Variants in MAF observed in about 807,000 individuals in gnomAD.
MAF encodes MAF bZIP transcription factor.
MAF carries 10 observed loss-of-function variants against 22.0 expected under a neutral mutation model. That is an observed-to-expected ratio of 0.45 (90% CI 0.28 to 0.77). The LOEUF is 0.77. MAF is among the 30% of genes least tolerant of loss of function. MAF has a pLI of 0.12. For synonymous variants in MAF, 337 were observed against 255.8 expected, an observed-to-expected ratio of 1.32 and a Z score of -3.03; for missense variants, 544 against 548.4, an observed-to-expected ratio of 0.99 and a Z score of 0.08.
chr16:79,259,792 A>G, the MAF span, among the ~76,000 whole-genome samples: 1 of 152,196 alleles, frequency 6.6e-6, no homozygotes, highest in Non-Finnish European at 1.5e-5. Context: ...AGAGGCTGAG[A>G]AGGGCAACAG....
chr16:79,471,638 T>C, the MAF span, among the ~76,000 whole-genome samples: 8 of 152,096 alleles, frequency 5.3e-5, no homozygotes, highest in African/African-American at 1.2e-4. Context: ...GATCATGCCA[T>C]TGCACTCCAG....
chr16:79,235,927 G>A, the MAF span, among the ~76,000 whole-genome samples: 6 of 151,944 alleles, frequency 3.9e-5, no homozygotes, highest in Non-Finnish European at 5.9e-5. Flanking sequence ...AAGCCAAGCC[G>A]CCCAGAATCC....
At chr16:79,473,523 C>A in the MAF span, among the ~76,000 whole-genome samples, 3 of 152,134 alleles carry the variant, frequency 2.0e-5, no homozygotes, top group Non-Finnish European at 4.4e-5. Context: ...CTTTGCCAAA[C>A]AATGTCAGAT....
chr16:79,465,076 C>A, the MAF span, among the ~76,000 whole-genome samples: 1 of 152,124 alleles, frequency 6.6e-6, no homozygotes, highest in Non-Finnish European at 1.5e-5. Context: ...GGGAGAAGGT[C>A]CTGAGCAACC....
chr16:79,456,800 TC>T, the MAF span, among the ~76,000 whole-genome samples: 1 of 152,164 alleles, frequency 6.6e-6, no homozygotes, highest in Non-Finnish European at 1.5e-5. Context: ...AGTCTCCTCT[TC>T]TTTTTGGGAC....
the MAF span, among the ~76,000 whole-genome samples, chr16:79,551,375 G>C: frequency 6.6e-6 from 1 of 152,126 alleles, no homozygotes; most frequent in Non-Finnish European, 1.5e-5. Context: ...TTTCCTTCTT[G>C]AATTGTTTTC....
chr16:79,348,779 A>ATGTCATATTC, the MAF span, among the ~76,000 whole-genome samples: 1 of 152,190 alleles, frequency 6.6e-6, no homozygotes, highest in Non-Finnish European at 1.5e-5. Flanking sequence ...AGTGATTCTT[A>ATGTCATATTC]TGTCATATTC....
the MAF span, among the ~76,000 whole-genome samples, chr16:79,564,454 T>G: frequency 6.6e-6 from 1 of 152,200 alleles, no homozygotes; most frequent in East Asian, 1.9e-4. Context: ...AGCTATGAAC[T>G]GGGCACACTG....
At chr16:79,493,188 T>C in the MAF span, among the ~76,000 whole-genome samples, 1 of 151,868 alleles carries the variant, frequency 6.6e-6, no homozygotes, top group Non-Finnish European at 1.5e-5. Context: ...TGTTTTTTTG[T>C]TTTTGTTTTT....
chr16:79,438,563 A>G, the MAF span, among the ~76,000 whole-genome samples: 1 of 152,084 alleles, frequency 6.6e-6, no homozygotes, highest in Non-Finnish European at 1.5e-5. Context: ...TCCTCACTTT[A>G]TCTTCCCGGG....
At chr16:79,303,161 G>A in the MAF span, among the ~76,000 whole-genome samples, 1 of 152,208 alleles carries the variant, frequency 6.6e-6, no homozygotes, top group Non-Finnish European at 1.5e-5. Context: ...CACTGTGGAG[G>A]AAGGCTGATG....
the MAF span, among the ~76,000 whole-genome samples, chr16:79,225,854 G>A: frequency 1.3e-5 from 2 of 152,196 alleles, no homozygotes; most frequent in East Asian, 1.9e-4. Flanking sequence ...AGTTAGAATG[G>A]TGATCATTAA....
At chr16:79,470,399 T>C in the MAF span, among the ~76,000 whole-genome samples, 1 of 152,212 alleles carries the variant, frequency 6.6e-6, no homozygotes, top group East Asian at 1.9e-4. Flanking sequence ...GGGACCAGGA[T>C]GGCAACTAGG....
At chr16:79,489,671 C>T in the MAF span, among the ~76,000 whole-genome samples, 6 of 152,158 alleles carry the variant, frequency 3.9e-5, no homozygotes, top group Non-Finnish European at 8.8e-5. Context: ...AGAGATGGCC[C>T]GAGAAGCTGA....
the MAF span, among the ~76,000 whole-genome samples, chr16:79,472,972 C>A: frequency 6.6e-6 from 1 of 152,050 alleles, no homozygotes; most frequent in African/African-American, 2.4e-5. Context: ...GAACACAACA[C>A]AATTCTGTCC....
the MAF span, among the ~76,000 whole-genome samples, chr16:79,362,425 T>C: frequency 6.6e-6 from 1 of 152,180 alleles, no homozygotes; most frequent in South Asian, 2.1e-4. Flanking sequence ...TGAATTTTGT[T>C]GTTGCTGAGA....
chr16:79,214,085 C>G, the MAF span, among the ~76,000 whole-genome samples: 3 of 152,164 alleles, frequency 2.0e-5, no homozygotes, highest in Non-Finnish European at 4.4e-5. Flanking sequence ...GCATGCCTTT[C>G]TTCCTCACTG....
chr16:79,217,109 GT>G, the MAF span, among the ~76,000 whole-genome samples: 4 of 152,164 alleles, frequency 2.6e-5, no homozygotes, highest in African/African-American at 9.7e-5. Context: ...CGCACCCGGT[GT>G]CATCTGCTAC....
At chr16:79,212,404 T>A in the MAF span, 1 of 424,270 alleles carries the variant, frequency 2.4e-6, no homozygotes, top group Non-Finnish European at 4.2e-6. Flanking sequence ...GTACTTGTCA[T>A]AGACTCCTTT....
Sources: allele counts gnomAD v4.1 joint callset (sites outside exome capture counted in the v4.1 genomes callset), GRCh38; gene constraint gnomAD v4.1.1; transcripts MANE v1.5; gene names NCBI Gene and HGNC (gene_info 2026-07-23, HGNC 2026-07-21).